Variants in YES1 observed in about 807,000 individuals in gnomAD.
YES1 encodes the protein tyrosine-protein kinase Yes.
In YES1, 39 loss-of-function variants were observed where a neutral mutation model predicts 70.4. The ratio of observed to expected loss-of-function variants is 0.55; its 90% confidence interval spans 0.43 to 0.72. The LOEUF is 0.72. Ranked by LOEUF, YES1 falls within the 30% of genes least tolerant of loss-of-function variation. The probability of loss-of-function intolerance (pLI) is 0.00; values close to 1 mark genes in which losing one functional copy is unlikely to be tolerated. For missense variants in YES1, 495 were observed against 644.8 expected, an observed-to-expected ratio of 0.77 and a Z score of 2.52; for synonymous variants, 198 against 218.6, an observed-to-expected ratio of 0.91 and a Z score of 0.83.
intron 2 of YES1, among the ~76,000 whole-genome samples, chr18:753,818 A>C (rs992290504): frequency 6.6e-6 from 1 of 152,164 alleles, no homozygotes; most frequent in African/African-American, 2.4e-5. Context: ...ATAAGCATTT[A>C]AAATTTATTA....
chr18:776,907 G>A (rs186300210), intron 1 of YES1, among the ~76,000 whole-genome samples: 27 of 152,218 alleles, frequency 1.8e-4, no homozygotes, highest in Non-Finnish European at 1.9e-4. Context: ...AGGCATTCCA[G>A]GTTAACTTCC....
intron 1 of YES1, among the ~76,000 whole-genome samples, chr18:778,238 T>A (rs1905483000): frequency 6.6e-6 from 1 of 152,254 alleles, no homozygotes; most frequent in Admixed American, 6.5e-5. Flanking sequence ...ACTGCATTCT[T>A]TCTACTACCC....
At position 808,145 on chromosome 18, in the gene YES1, C is replaced by A. The variant is rs554462036; in HGVS notation, c.-9+3969G>T. Among the ~76,000 whole-genome samples, 4 of 152,254 alleles carry A rather than the reference C, an allele frequency of 2.6e-5. No homozygotes were observed. The South Asian group carries it at 8.3e-4, about 32-fold the overall frequency. On this transcript the variant is annotated intron_variant, in intron 1 of 11. Transcript: ENST00000314574. ...TCTTAAAGGTAAACCCAACGCAGACCAGGATATATTGCCATCAAGTCTGCT... is the reference window on the plus strand; with the variant it reads ...TCTTAAAGGTAAACCCAACGCAGACAAGGATATATTGCCATCAAGTCTGCT...
At chr18:798,761 G>A (rs1169858396) in intron 1 of YES1, among the ~76,000 whole-genome samples, 1 of 152,098 alleles carries the variant, frequency 6.6e-6, no homozygotes, top group Non-Finnish European at 1.5e-5. Context: ...CACTCCTTCA[G>A]GGGGTACACT....
intron 3 of YES1, among the ~76,000 whole-genome samples, chr18:748,654 G>C (rs1469880649): frequency 6.6e-6 from 1 of 152,032 alleles, no homozygotes; most frequent in Non-Finnish European, 1.5e-5. Flanking sequence ...GTGGTCTTTT[G>C]TAATTGACTT....
At chr18:731,948 C>A in intron 11 of YES1, among the ~76,000 whole-genome samples, 3 of 111,424 alleles carry the variant, frequency 2.7e-5, no homozygotes, top group Non-Finnish European at 4.9e-5. Flanking sequence ...GCCTGGGCGA[C>A]AGAGCGAGAC....
intron 1 of YES1, among the ~76,000 whole-genome samples, chr18:778,800 AAAGAG>A (rs1306825947): frequency 6.6e-6 from 1 of 152,206 alleles, no homozygotes; most frequent in African/African-American, 2.4e-5. Context: ...CAGGACCATA[AAAGAG>A]AAAACATAGG....
chr18:781,423 C>T (rs1049794728), intron 1 of YES1, among the ~76,000 whole-genome samples: 8 of 152,142 alleles, frequency 5.3e-5, no homozygotes, highest in Non-Finnish European at 5.9e-5. Flanking sequence ...TGTGACTACT[C>T]AACCTTCAGG....
chr18:742,836 A>G, intron 8 of YES1, 82 bp downstream of exon 8: 1 of 1,110,552 alleles, frequency 9.0e-7, no homozygotes, highest in Non-Finnish European at 1.2e-6. Context: ...AAATTAGAAA[A>G]CAGTATAAGT....
intron 8 of YES1, among the ~76,000 whole-genome samples, chr18:742,473 AAAAG>A (rs2080227351): frequency 7.7e-6 from 1 of 129,884 alleles, no homozygotes; most frequent in African/African-American, 3.0e-5. Context: ...AAAAAAAAAA[AAAAG>A]AAAGCAGTGG....
At chr18:760,182 C>T (rs1458795974) in intron 1 of YES1, among the ~76,000 whole-genome samples, 1 of 151,956 alleles carries the variant, frequency 6.6e-6, no homozygotes, top group African/African-American at 2.4e-5. Context: ...TTAAAGCATA[C>T]AGGGGGACTG....
At chr18:788,852 G>C (rs889020894) in intron 1 of YES1, among the ~76,000 whole-genome samples, 2 of 152,172 alleles carry the variant, frequency 1.3e-5, no homozygotes, top group African/African-American at 2.4e-5. Flanking sequence ...CTTGAACCCA[G>C]GAGGCAGAGG....
At chr18:789,544 T>C (rs778545464) in intron 1 of YES1, among the ~76,000 whole-genome samples, 10 of 152,048 alleles carry the variant, frequency 6.6e-5, no homozygotes, top group South Asian at 2.1e-4. Context: ...GACTATGCCA[T>C]TGCACTTCAG....
chr18:763,957 A>C (rs12456072), intron 1 of YES1, among the ~76,000 whole-genome samples: 151,552 of 151,554 alleles, frequency 1, 75,775 homozygotes, highest in Middle Eastern at 1. Flanking sequence ...CCGTTTCTAC[A>C]AAAAATAGAA....
chr18:732,862 T>C lies in YES1; in HGVS notation c.1395A>G (p.Leu465=), dbSNP rs755199762. 9 of 1,614,128 alleles carry C rather than the reference T, an allele frequency of 5.6e-6. No individual in the cohort carries two copies. The highest frequency in any genetic ancestry group is 6.8e-6 in the Non-Finnish European group (8 of 1,180,048). The change falls in exon 11 of 12, where the codon CTA becomes CTG. Residue 465 remains leucine (L), a synonymous_variant. Coordinates refer to ENST00000314574, the MANE Select transcript of YES1 (RefSeq NM_005433.4). ...GATATGGCACTCGGCCCTTTGTTAC[T>C]AGTTCTGTTTGCAGAATTCCAAATG... is the stretch of plus-strand genomic sequence containing the variant. The part of the protein sequence containing the change: ...VWSFGILQTE[L]VTKGRVPYPG...
In YES1 at chr18:751,712, T is replaced by G; in HGVS notation, c.364A>C (p.Asn122His). 1 of 1,563,934 alleles carries G rather than the reference T, an allele frequency of 6.4e-7. No homozygotes were observed. Among genetic ancestry groups the G allele is most frequent in the Non-Finnish European group, 8.8e-7 (1 of 1,137,200 alleles). ...FKKGERFQII[N>H]NTEGDWWEAR... ...AATATTCATGACACTTACGTATTGT[T>G]AATTATTTGAAATCTTTCACCCTTC... The change falls in exon 3 of 12, where the codon AAC (asparagine) becomes CAC (histidine). Residue 122 changes from asparagine (N) to histidine (H), a missense_variant. Transcript: ENST00000314574.
intron 2 of YES1, among the ~76,000 whole-genome samples, chr18:752,139 ACT>A (rs2080351591): frequency 6.6e-6 from 1 of 152,140 alleles, no homozygotes; most frequent in Non-Finnish European, 1.5e-5. Flanking sequence ...ACAAAGTCTC[ACT>A]CTGTCACCCA....
chr18:764,411 A>G (rs1431725094), intron 1 of YES1, among the ~76,000 whole-genome samples: 1 of 152,080 alleles, frequency 6.6e-6, no homozygotes, highest in African/African-American at 2.4e-5. Context: ...TAGTAGAGAC[A>G]GAGTATCACC....
In YES1 at chr18:760,482, A is replaced by AAAC. The variant is rs575429585; in HGVS notation, c.-8-3650_-8-3648dup. On this transcript the variant is annotated intron_variant, in intron 1 of 11. Transcript: ENST00000314574. ...GAGATTCTGTCTAAAAAAAACAAAC[A>AAAC]AACAACAACAACAACAACAAAAACC... 2.2e-3 allele frequency among the ~76,000 whole-genome samples: 342 copies of AAAC among 152,130 alleles called. 2 individuals carry two copies. The highest frequency in any genetic ancestry group is 7.4e-3 in the African/African-American group (309 of 41,506).
Sources: gnomAD v4.1 joint callset for allele counts (sites outside exome capture counted in the v4.1 genomes callset) on GRCh38, gnomAD v4.1.1 for gene constraint, MANE v1.5 for transcripts, NCBI Gene and HGNC (gene_info 2026-07-23, HGNC 2026-07-21) for gene names.